The following PDE4D variants were observed in gnomAD, a reference collection of about 807,000 sequenced individuals.
PDE4D encodes phosphodiesterase 4D.
PDE4D carries 24 observed loss-of-function variants against 87.4 expected under a neutral mutation model. The ratio of observed to expected loss-of-function variants is 0.27; its 90% confidence interval spans 0.20 to 0.39. The LOEUF (loss-of-function observed/expected upper bound fraction) is 0.39. Among genes scored for constraint, PDE4D ranks in the 10% least tolerant of loss-of-function variants. PDE4D has a pLI of 1.00. For synonymous variants in PDE4D, 384 were observed against 383.2 expected (o/e 1.00, Z -0.02); for missense variants, 714 against 1,041.0 (o/e 0.69, Z 4.32).
chr5:59,015,738 T>G (rs763111226), intron 6 of PDE4D, among the ~76,000 whole-genome samples: 9 of 152,198 alleles, frequency 5.9e-5, no homozygotes, highest in Non-Finnish European at 1.2e-4. Flanking sequence ...GGTCTAGAAC[T>G]AGAAATACCA....
At chr5:59,101,629 C>T (rs1770751584) in intron 5 of PDE4D, among the ~76,000 whole-genome samples, 1 of 152,008 alleles carries the variant, frequency 6.6e-6, no homozygotes, top group African/African-American at 2.4e-5. Context: ...AAAGGCAAAA[C>T]TGGATGAGGA....
At chr5:59,455,782 C>A (rs1432864447) in intron 1 of PDE4D, among the ~76,000 whole-genome samples, 3 of 152,222 alleles carry the variant, frequency 2.0e-5, no homozygotes, top group Admixed American at 6.5e-5. Context: ...CCGCCCAAGA[C>A]CATGGGAACC....
intron 1 of PDE4D, among the ~76,000 whole-genome samples, chr5:59,572,732 G>A (rs1394485319): frequency 2.0e-5 from 3 of 152,044 alleles, no homozygotes; most frequent in Non-Finnish European, 4.4e-5. Context: ...CACCCGCCTC[G>A]GCCTCCCAAA....
intron 1 of PDE4D, among the ~76,000 whole-genome samples, chr5:59,537,961 G>A (rs896240932): frequency 1.3e-5 from 2 of 152,292 alleles, no homozygotes; most frequent in East Asian, 1.9e-4. Flanking sequence ...TTACAGGGAA[G>A]TGATTCCTAA....
chr5:60,460,305 G>A, intron 1 of PDE4D: 1 of 1,023,308 alleles, frequency 9.8e-7, no homozygotes, highest in African/African-American at 1.6e-5. Flanking sequence ...TATTTTCAAA[G>A]TAAAGATTTT....
At chr5:59,873,506 C>T (rs930188778) in intron 1 of PDE4D, among the ~76,000 whole-genome samples, 1 of 152,152 alleles carries the variant, frequency 6.6e-6, no homozygotes, top group Admixed American at 6.5e-5. Context: ...GAGAGGCTTT[C>T]CTTCTCCAAG....
chr5:60,136,310 ACTAT>A (rs1708428117), intron 2 of PDE4D, among the ~76,000 whole-genome samples: 2 of 131,670 alleles, frequency 1.5e-5, no homozygotes, highest in Non-Finnish European at 1.6e-5. Flanking sequence ...TTATTTCTGG[ACTAT>A]CTTTTTTTTT....
At chr5:60,314,055 T>C (rs1205931310) in intron 1 of PDE4D, among the ~76,000 whole-genome samples, 2 of 152,046 alleles carry the variant, frequency 1.3e-5, no homozygotes, top group Non-Finnish European at 2.9e-5. Context: ...ATATCACTAC[T>C]ACTCTATTCA....
chr5:59,355,761 C>T (rs1781280562), intron 1 of PDE4D, among the ~76,000 whole-genome samples: 1 of 152,030 alleles, frequency 6.6e-6, no homozygotes. Flanking sequence ...TTATAGTTCC[C>T]TAAAAATTCC....
intron 1 of PDE4D, among the ~76,000 whole-genome samples, chr5:59,441,323 C>A (rs1797583292): frequency 6.6e-6 from 1 of 152,208 alleles, no homozygotes; most frequent in African/African-American, 2.4e-5. Context: ...TCCTGAACTC[C>A]TGGACTCCAG....
intron 1 of PDE4D, among the ~76,000 whole-genome samples, chr5:60,314,415 C>T (rs903719099): frequency 6.6e-6 from 1 of 152,072 alleles, no homozygotes; most frequent in Non-Finnish European, 1.5e-5. Context: ...AATTCACCCA[C>T]CTTAGCCTCC....
chr5:59,122,948 C>T (rs1385541026), intron 5 of PDE4D, among the ~76,000 whole-genome samples: 1 of 152,038 alleles, frequency 6.6e-6, no homozygotes, highest in Non-Finnish European at 1.5e-5. Flanking sequence ...AGAATTGAGA[C>T]TAATGGAGTC....
rs1234325187 is a variant in PDE4D, at chr5:58,970,131, T to C, written c.*4533A>G. On this transcript the variant is annotated 3_prime_UTR_variant, in exon 15 of 15. Transcript: ENST00000340635. ...ATATAAAAATTTCATATGAAGGTAT[T>C]GATGTACAGTACTATCCCCGTGGGC... 1 of 152,184 alleles carries C rather than the reference T, an allele frequency of 6.6e-6. No homozygotes were observed. The highest frequency in any genetic ancestry group is 1.5e-5 in the Non-Finnish European group (1 of 68,032). The allele number at this position is 152,184 out of a possible 1,614,324, so 9.4% of individuals were successfully genotyped here. A position where few individuals can be genotyped will look rare whatever the true frequency, so the allele number is the denominator to read the frequency against.
At chr5:60,264,321 G>A (rs897856991) in intron 1 of PDE4D, among the ~76,000 whole-genome samples, 1 of 152,178 alleles carries the variant, frequency 6.6e-6, no homozygotes, top group Non-Finnish European at 1.5e-5. Context: ...ACGACTTGAA[G>A]ATGGCTGAGA....
At chr5:59,528,888 G>A (rs1006459769) in intron 1 of PDE4D, 13 of 316,624 alleles carry the variant, frequency 4.1e-5, no homozygotes, top group East Asian at 8.7e-5. Context: ...TTACTCCATC[G>A]CACCTGGCCA....
chr5:59,149,281 G>A (rs957621932), intron 5 of PDE4D, among the ~76,000 whole-genome samples: 11 of 152,116 alleles, frequency 7.2e-5, no homozygotes, highest in East Asian at 1.9e-4. Flanking sequence ...TAATCACTTA[G>A]GAGCCAGTAA....
chr5:59,846,978 C>T (rs1743954620), intron 1 of PDE4D, among the ~76,000 whole-genome samples: 1 of 151,968 alleles, frequency 6.6e-6, no homozygotes, highest in African/African-American at 2.4e-5. Context: ...CAACCTCTGC[C>T]TTAACTCATC....
chr5:59,971,800 A>G (rs943905017), intron 3 of PDE4D, among the ~76,000 whole-genome samples: 1 of 152,188 alleles, frequency 6.6e-6, no homozygotes, highest in Admixed American at 6.5e-5. Flanking sequence ...AAGTCAGGGC[A>G]CTTTCTGTAC....
Position 60,450,669 on chromosome 5 carries a change from T to A in PDE4D, c.-90+37273A>T, listed in dbSNP as rs76143085. Among the ~76,000 whole-genome samples the A allele has an allele frequency of 7.3e-3, 1,111 of 152,266 alleles. 9 individuals are homozygous for A. The highest frequency in any genetic ancestry group is 0.025 in the African/African-American group (1,032 of 41,556). On this transcript the variant is annotated intron_variant, in intron 1 of 16. Transcript: ENST00000502484. ...CAAAAGTAAATTAGGGCCACTATTATACTTCTTCTATCTCCCATGACACAA... is the reference window on the plus strand; with the variant it reads ...CAAAAGTAAATTAGGGCCACTATTAAACTTCTTCTATCTCCCATGACACAA...
Sources: allele counts gnomAD v4.1 joint callset (sites outside exome capture counted in the v4.1 genomes callset), GRCh38; gene constraint gnomAD v4.1.1; transcripts MANE v1.5; gene names NCBI Gene and HGNC (gene_info 2026-07-23, HGNC 2026-07-21).